The following SOX5 variants were observed in gnomAD, a reference collection of about 807,000 sequenced individuals.
SOX5 encodes the protein SRY-box transcription factor 5.
In SOX5, 9 loss-of-function variants were observed where a neutral mutation model predicts 92.0. The observed-to-expected ratio is 0.10, with a 90% CI of 0.06 to 0.17. The LOEUF (loss-of-function observed/expected upper bound fraction) is 0.17, where lower values mean the gene tolerates loss of function less well. SOX5 is among the 10% of genes least tolerant of loss of function. The pLI is 1.00. For missense variants in SOX5, 642 were observed against 944.5 expected, an observed-to-expected ratio of 0.68 and a Z score of 4.20; for synonymous variants, 344 against 336.3, an observed-to-expected ratio of 1.02 and a Z score of -0.25.
chr12:24,393,260 A>G lies in SOX5; in HGVS notation c.-250-24621T>C, dbSNP rs1959173089. ...CTGTTCCCCATTCTAAATTCTGTCTACTAAACAAATTAGCAAGCTCATCAA... is the reference window on the plus strand; with the variant it reads ...CTGTTCCCCATTCTAAATTCTGTCTGCTAAACAAATTAGCAAGCTCATCAA... On this transcript the variant is annotated intron_variant, in intron 1 of 4. Coordinates refer to the SOX5 transcript ENST00000446891. The surrounding 1 kb of genome is among the most constrained non-coding windows in gnomAD (Gnocchi z 5.0). Among the ~76,000 whole-genome samples, 1 of 152,334 alleles carries G rather than the reference A, an allele frequency of 6.6e-6. No homozygotes were observed. Among genetic ancestry groups the G allele is most frequent in the African/African-American group, 2.4e-5 (1 of 41,572 alleles).
At chr12:24,379,483 A>G (rs1049691507) in intron 1 of SOX5, among the ~76,000 whole-genome samples, 15 of 152,220 alleles carry the variant, frequency 9.9e-5, no homozygotes, top group African/African-American at 3.6e-4. Context: ...CAGGCACCTG[A>G]TCTAATCCAA....
At chr12:24,430,391 C>A (rs909937832) in intron 1 of SOX5, among the ~76,000 whole-genome samples, 1 of 151,706 alleles carries the variant, frequency 6.6e-6, no homozygotes, top group Non-Finnish European at 1.5e-5. Flanking sequence ...AGAATTTAAC[C>A]ATGACAAAAT....
At chr12:23,827,061 G>A (rs1472899081) in intron 3 of SOX5, among the ~76,000 whole-genome samples, 1 of 152,194 alleles carries the variant, frequency 6.6e-6, no homozygotes, top group East Asian at 1.9e-4. Context: ...TTATGTTAAT[G>A]TGTGGGGAGG....
At chr12:23,806,156 T>C (rs1467290801) in intron 3 of SOX5, among the ~76,000 whole-genome samples, 3 of 152,194 alleles carry the variant, frequency 2.0e-5, no homozygotes, top group Non-Finnish European at 4.4e-5. Context: ...AAAGTAAGGA[T>C]CTTCCATTTC....
intron 2 of SOX5, among the ~76,000 whole-genome samples, chr12:24,329,507 A>C (rs1451917285): frequency 6.6e-6 from 1 of 152,210 alleles, no homozygotes; most frequent in Non-Finnish European, 1.5e-5. Context: ...TGGAGATTAC[A>C]ATTCAAGATG....
At chr12:24,065,512 T>C (rs1189392969) in intron 4 of SOX5, among the ~76,000 whole-genome samples, 1 of 151,340 alleles carries the variant, frequency 6.6e-6, no homozygotes, top group Admixed American at 6.6e-5. Context: ...CCAGGCGTGG[T>C]GGTGCACACC....
At chr12:23,966,266 T>C (rs1223005863) in intron 4 of SOX5, among the ~76,000 whole-genome samples, 1 of 135,820 alleles carries the variant, frequency 7.4e-6, no homozygotes, top group Non-Finnish European at 1.6e-5. Context: ...GGGCCTGTAC[T>C]GACTTTTTCT....
intron 1 of SOX5, among the ~76,000 whole-genome samples, chr12:24,370,773 C>CAGA (rs769377636): frequency 3.3e-5 from 5 of 152,160 alleles, no homozygotes; most frequent in Admixed American, 6.5e-5. Context: ...GCCTGGATGA[C>CAGA]AGAACAAGAT....
chr12:23,860,952 T>TA (rs71059935), intron 2 of SOX5, among the ~76,000 whole-genome samples: 1,395 of 45,722 alleles, frequency 0.031, 45 homozygotes, highest in African/African-American at 0.069. Context: ...GTATATTTTG[T>TA]AAAAAAAAAA....
chr12:24,530,440 G>A (rs999465465), intron 1 of SOX5, among the ~76,000 whole-genome samples: 2 of 152,114 alleles, frequency 1.3e-5, no homozygotes, highest in African/African-American at 4.8e-5. Flanking sequence ...TAAGGTGGGA[G>A]AAGTCTATAA....
intron 2 of SOX5, among the ~76,000 whole-genome samples, chr12:24,304,623 G>C (rs1224084544): frequency 6.6e-6 from 1 of 151,994 alleles, no homozygotes; most frequent in Admixed American, 6.6e-5. Flanking sequence ...TTCTCTACTC[G>C]CTTCGTATTT....
At chr12:24,409,447 TTTTTTTTTAGAAAAAATAA>T (rs1266400484) in intron 1 of SOX5, among the ~76,000 whole-genome samples, 1 of 150,454 alleles carries the variant, frequency 6.6e-6, no homozygotes, top group African/African-American at 2.4e-5. Context: ...CATGTATCCC[TTTTTTTTTAGAAAAAATAA>T]TTTTTTTTAA....
intron 6 of SOX5, among the ~76,000 whole-genome samples, chr12:23,692,152 G>T (rs1052022137): frequency 2.0e-5 from 3 of 151,986 alleles, no homozygotes; most frequent in Non-Finnish European, 4.4e-5. Context: ...ATGATTTATG[G>T]CTGGGCACGG....
chr12:23,915,997 C>A (rs1236871586), intron 1 of SOX5, among the ~76,000 whole-genome samples: 1 of 152,106 alleles, frequency 6.6e-6, no homozygotes, highest in African/African-American at 2.4e-5. Context: ...TAGATTGATA[C>A]AGTGCATTTT....
intron 2 of SOX5, among the ~76,000 whole-genome samples, chr12:23,850,743 G>A (rs947395384): frequency 6.6e-6 from 1 of 151,948 alleles, no homozygotes; most frequent in Non-Finnish European, 1.5e-5. Context: ...TTCATAAAAT[G>A]TCTGCACGAA....
At chr12:24,033,731 T>A (rs368073413) in intron 4 of SOX5, among the ~76,000 whole-genome samples, 1 of 152,040 alleles carries the variant, frequency 6.6e-6, no homozygotes, top group South Asian at 2.1e-4. Flanking sequence ...TTCCAGAAAA[T>A]CCGTCTGTAG....
At position 24,454,562 on chromosome 12, in the gene SOX5, GCTTT is replaced by G. The variant is rs375610032; in HGVS notation, c.-250-85927_-250-85924del. ...AGATGCACAAGTATTTACGGGAATC[GCTTT>G]CTTTCTATTTTTTCCACTTAAGAAT... On this transcript the variant is annotated intron_variant, in intron 1 of 4. Coordinates refer to the SOX5 transcript ENST00000446891. Among the ~76,000 whole-genome samples, 719 of 152,140 alleles carry G rather than the reference GCTTT, an allele frequency of 4.7e-3. 8 individuals carry two copies. Among genetic ancestry groups the G allele is most frequent in the African/African-American group, 0.016 (680 of 41,526 alleles).
intron 2 of SOX5, among the ~76,000 whole-genome samples, chr12:24,327,321 G>A (rs1295557344): frequency 7.0e-6 from 1 of 142,332 alleles, no homozygotes; most frequent in Non-Finnish European, 1.5e-5. Context: ...AAGATATGCT[G>A]AAAATGTCCA....
chr12:23,571,363 T>G (rs1299679949), intron 10 of SOX5, among the ~76,000 whole-genome samples: 3 of 152,106 alleles, frequency 2.0e-5, no homozygotes, highest in Non-Finnish European at 2.9e-5. Flanking sequence ...TTTCATGCGT[T>G]AATGCCTCTG....
Sources: gnomAD v4.1 joint callset for allele counts (sites outside exome capture counted in the v4.1 genomes callset) on GRCh38, gnomAD v4.1.1 for gene constraint, Gnocchi (gnomAD v3.1) non-coding constraint, MANE v1.5 for transcripts, NCBI Gene and HGNC (gene_info 2026-07-23, HGNC 2026-07-21) for gene names.